DPH6: variants seen among roughly 807,000 people sequenced by gnomAD.
The protein encoded by DPH6 is diphthamine biosynthesis 6.
Under a neutral mutation model 38.2 loss-of-function variants are expected in DPH6, and 33 were observed. That is an observed-to-expected ratio of 0.86 (90% CI 0.65 to 1.15). The LOEUF is 1.15. Ranked by LOEUF, DPH6 falls within the 50% of genes most tolerant of loss-of-function variation. The pLI, the probability that DPH6 is intolerant of heterozygous loss-of-function variation, is 0.00. For missense variants in DPH6, 325 were observed against 320.0 expected, an observed-to-expected ratio of 1.02 and a Z score of -0.12; for synonymous variants, 108 against 103.0, an observed-to-expected ratio of 1.05 and a Z score of -0.30.
the DPH6 span, among the ~76,000 whole-genome samples, chr15:35,153,096 A>G: frequency 6.6e-6 from 1 of 152,196 alleles, no homozygotes; most frequent in African/African-American, 2.4e-5. Flanking sequence ...TGATGTGAAA[A>G]TTATGTAAAA....
At chr15:35,335,704 A>C (rs551078568) in intron 3 of DPH6, among the ~76,000 whole-genome samples, 34 of 152,028 alleles carry the variant, frequency 2.2e-4, no homozygotes, top group African/African-American at 7.7e-4. Flanking sequence ...ATGTGTGCAG[A>C]CTTATTTCTG....
At chr15:35,529,064 C>T (rs887862530) in intron 3 of DPH6, among the ~76,000 whole-genome samples, 15 of 152,152 alleles carry the variant, frequency 9.9e-5, no homozygotes, top group Admixed American at 2.0e-4. Context: ...TAAGAACTTC[C>T]GGTAATTTTT....
chr15:35,500,839 A>G (rs533383192), intron 3 of DPH6, among the ~76,000 whole-genome samples: 1 of 152,166 alleles, frequency 6.6e-6, no homozygotes, highest in Admixed American at 6.6e-5. Context: ...GCTCACTGCA[A>G]CCTCTGCCTC....
intron 3 of DPH6, among the ~76,000 whole-genome samples, chr15:35,271,416 G>C (rs1175524877): frequency 6.6e-6 from 1 of 152,122 alleles, no homozygotes; most frequent in African/African-American, 2.4e-5. Context: ...AAAAACATTT[G>C]ATAAAAAACA....
At chr15:35,205,173 G>A in the DPH6 span, among the ~76,000 whole-genome samples, 2 of 151,916 alleles carry the variant, frequency 1.3e-5, no homozygotes, top group Non-Finnish European at 2.9e-5. Context: ...AATACATGTA[G>A]AATATTTCAA....
chr15:35,298,537 T>C (rs1407324974), intron 3 of DPH6: 16 of 781,440 alleles, frequency 2.0e-5, no homozygotes, highest in Non-Finnish European at 3.6e-5. Context: ...GTAGGACCAC[T>C]TTATTAAGAC....
intron 3 of DPH6, among the ~76,000 whole-genome samples, chr15:35,301,007 C>G (rs570539281): frequency 6.6e-6 from 1 of 152,272 alleles, no homozygotes; most frequent in African/African-American, 2.4e-5. Context: ...CTTGAGTTAT[C>G]TGAGATTATT....
At chr15:35,465,964 T>G (rs1595388638) in intron 3 of DPH6, among the ~76,000 whole-genome samples, 1 of 152,218 alleles carries the variant, frequency 6.6e-6, no homozygotes, top group African/African-American at 2.4e-5. Flanking sequence ...AAATTCAACC[T>G]ACATGTGAAA....
At chr15:35,272,637 G>A (rs1419681798) in intron 3 of DPH6, among the ~76,000 whole-genome samples, 1 of 152,056 alleles carries the variant, frequency 6.6e-6, no homozygotes, top group Non-Finnish European at 1.5e-5. Context: ...GGCCAGGCAT[G>A]GTGGCTCACA....
At chr15:35,145,298 T>C in the DPH6 span, among the ~76,000 whole-genome samples, 5 of 152,248 alleles carry the variant, frequency 3.3e-5, no homozygotes, top group Admixed American at 6.5e-5. Context: ...AACATAGATG[T>C]GCTATCTTTC....
chr15:35,361,818 T>A (rs1215867606), intron 3 of DPH6, among the ~76,000 whole-genome samples: 1 of 151,918 alleles, frequency 6.6e-6, no homozygotes, highest in Non-Finnish European at 1.5e-5. Context: ...CTCATTTTGT[T>A]TATGCATCAT....
intron 3 of DPH6, chr15:35,299,109 T>G: frequency 1.1e-6 from 1 of 882,750 alleles, no homozygotes. Context: ...TCTCTGGCGT[T>G]TCACTACTTT....
At chr15:35,401,069 C>A in intron 6 of DPH6, 2 of 904,436 alleles carry the variant, frequency 2.2e-6, no homozygotes, top group Non-Finnish European at 1.8e-6. Context: ...TTCAACAGTA[C>A]AGAAAAATTG....
chr15:35,298,364 T>C, intron 3 of DPH6: 1 of 676,688 alleles, frequency 1.5e-6, no homozygotes, highest in African/African-American at 1.8e-5. Context: ...GAATTGCTGA[T>C]TTAACTCTCT....
chr15:35,152,903 T>C, the DPH6 span, among the ~76,000 whole-genome samples: 1 of 152,160 alleles, frequency 6.6e-6, no homozygotes, highest in Non-Finnish European at 1.5e-5. Context: ...AAATGAACTC[T>C]CTGAGATTTA....
intron 3 of DPH6, among the ~76,000 whole-genome samples, chr15:35,493,059 A>C (rs2054505044): frequency 6.6e-6 from 1 of 152,206 alleles, no homozygotes; most frequent in Non-Finnish European, 1.5e-5. Flanking sequence ...AAAGGCCACT[A>C]CCTTTAAACT....
chr15:35,356,792 C>T (rs748136271), intron 3 of DPH6, among the ~76,000 whole-genome samples: 1 of 152,190 alleles, frequency 6.6e-6, no homozygotes, highest in Non-Finnish European at 1.5e-5. Flanking sequence ...CTGGGAGAAC[C>T]ACTACTCTCT....
chr15:35,347,571 T>C (rs2052473644), intron 3 of DPH6, among the ~76,000 whole-genome samples: 1 of 103,110 alleles, frequency 9.7e-6, no homozygotes, highest in African/African-American at 4.5e-5. Context: ...TCTTGGCTAT[T>C]GTGAAAAATA....
chr15:35,159,441 A>G, the DPH6 span, among the ~76,000 whole-genome samples: 1 of 152,040 alleles, frequency 6.6e-6, no homozygotes, highest in Non-Finnish European at 1.5e-5. Context: ...ACAAGTGGCC[A>G]AGAAACATGA....
Sources: allele counts gnomAD v4.1 joint callset (sites outside exome capture counted in the v4.1 genomes callset), GRCh38; gene constraint gnomAD v4.1.1; transcripts MANE v1.5; gene names NCBI Gene and HGNC (gene_info 2026-07-23, HGNC 2026-07-21).